The following FOXP2 variants were observed in gnomAD, a reference collection of about 807,000 sequenced individuals.
FOXP2 encodes the protein forkhead box P2, also known as forkhead box protein P2.
Under a neutral mutation model 115.8 loss-of-function variants are expected in FOXP2, and 12 were observed. The ratio of observed to expected loss-of-function variants is 0.10; its 90% CI spans 0.07 to 0.17. The LOEUF (loss-of-function observed/expected upper bound fraction) is 0.17, where lower values mean the gene tolerates loss of function less well. Ranked by LOEUF, FOXP2 falls within the 10% of genes least tolerant of loss-of-function variation. FOXP2 has a pLI of 1.00. For missense variants in FOXP2, 629 were observed against 843.5 expected, an observed-to-expected ratio of 0.75 and a Z score of 3.15; for synonymous variants, 328 against 297.7, an observed-to-expected ratio of 1.10 and a Z score of -1.05.
At chr7:114,208,780 T>C (rs528164837) in intron 1 of FOXP2, among the ~76,000 whole-genome samples, 1 of 152,216 alleles carries the variant, frequency 6.6e-6, no homozygotes, top group East Asian at 1.9e-4. Flanking sequence ...AAGCTCTCTC[T>C]CTCTTTGCCT....
intron 1 of FOXP2, among the ~76,000 whole-genome samples, chr7:114,144,524 G>A (rs1208444875): frequency 6.6e-6 from 1 of 151,954 alleles, no homozygotes; most frequent in Non-Finnish European, 1.5e-5. Context: ...CAAGCAGTTT[G>A]TCACAAATTT....
chr7:114,644,137 A>T (rs1395778988), intron 7 of FOXP2, among the ~76,000 whole-genome samples: 1 of 152,188 alleles, frequency 6.6e-6, no homozygotes, highest in Non-Finnish European at 1.5e-5. Flanking sequence ...ATATTCACTT[A>T]TCAAAAGTCT....
chr7:114,307,014 A>C (rs562634976), intron 2 of FOXP2, among the ~76,000 whole-genome samples: 8 of 152,274 alleles, frequency 5.3e-5, no homozygotes, highest in Non-Finnish European at 7.4e-5. Context: ...TCTTAATTCC[A>C]TCTGCAATCT....
intron 3 of FOXP2, among the ~76,000 whole-genome samples, chr7:114,599,192 T>A (rs1216083936): frequency 6.6e-6 from 1 of 152,146 alleles, no homozygotes; most frequent in Non-Finnish European, 1.5e-5. Context: ...TTATTCAGTA[T>A]GATGTTTGCT....
chr7:114,487,236 C>A (rs1796831967), intron 2 of FOXP2, among the ~76,000 whole-genome samples: 1 of 152,202 alleles, frequency 6.6e-6, no homozygotes, highest in Non-Finnish European at 1.5e-5. Context: ...AATGTGGCAG[C>A]TGCCAAGGCT....
chr7:114,127,310 T>C (rs930015465), intron 1 of FOXP2, among the ~76,000 whole-genome samples: 1 of 152,136 alleles, frequency 6.6e-6, no homozygotes, highest in Admixed American at 6.6e-5. Context: ...CCTCAATGGA[T>C]CTTGTTTATT....
At chr7:114,431,040 C>A (rs892171599) in intron 2 of FOXP2, among the ~76,000 whole-genome samples, 4 of 151,694 alleles carry the variant, frequency 2.6e-5, no homozygotes, top group Non-Finnish European at 4.4e-5. Context: ...ATTTACTATG[C>A]AGTGTTGTGT....
intron 2 of FOXP2, among the ~76,000 whole-genome samples, chr7:114,449,551 A>T (rs1434513424): frequency 6.6e-6 from 1 of 152,026 alleles, no homozygotes; most frequent in Admixed American, 6.6e-5. Flanking sequence ...TGACAGATGG[A>T]TGGGTCATTC....
rs1364922408 is a variant in FOXP2, at chr7:114,693,710, T to C, written c.*3784T>C. ...TAAAAATGTATATGAAACCATTTCA[T>C]TCACTTGATTACATTTCTGAAGTAT... On this transcript the variant is annotated 3_prime_UTR_variant, in exon 17 of 17. Coordinates refer to ENST00000350908, the MANE Select transcript of FOXP2 (RefSeq NM_014491.4). 1 of 339,658 alleles carries C rather than the reference T, an allele frequency of 2.9e-6. No individual in the cohort carries two copies. Among genetic ancestry groups the C allele is most frequent in the Non-Finnish European group, 5.7e-6 (1 of 174,552 alleles). The allele number at this position is 339,658 out of a possible 1,614,324, so 21.0% of individuals were successfully genotyped here. A position where few individuals can be genotyped will look rare whatever the true frequency, so the allele number is the denominator to read the frequency against.
At chr7:114,117,837 T>G (rs1791450856) in intron 1 of FOXP2, among the ~76,000 whole-genome samples, 1 of 152,098 alleles carries the variant, frequency 6.6e-6, no homozygotes, top group Non-Finnish European at 1.5e-5. Context: ...TGAGTTCAGG[T>G]GAGGCCCCTC....
At chr7:114,628,876 A>T (rs1584968284) in intron 4 of FOXP2, 199 bp downstream of exon 4, 1 of 615,766 alleles carries the variant, frequency 1.6e-6, no homozygotes, top group East Asian at 3.1e-5. Context: ...AAAAATTATT[A>T]AAGTCTAGAA....
upstream of FOXP2, among the ~76,000 whole-genome samples, chr7:114,409,305 C>T (rs1584701876): frequency 6.6e-6 from 1 of 152,172 alleles, no homozygotes; most frequent in East Asian, 1.9e-4. Flanking sequence ...TACTTTTGCA[C>T]ATTCAGTGAT....
At chr7:114,276,551 A>G (rs1375638713) in intron 1 of FOXP2, among the ~76,000 whole-genome samples, 1 of 152,096 alleles carries the variant, frequency 6.6e-6, no homozygotes, top group Non-Finnish European at 1.5e-5. Flanking sequence ...GTGAAAATCC[A>G]TTCATAATGG....
intron 1 of FOXP2, among the ~76,000 whole-genome samples, chr7:114,196,827 A>T (rs765150832): frequency 7.9e-5 from 12 of 152,124 alleles, no homozygotes; most frequent in Non-Finnish European, 2.9e-5. Flanking sequence ...TTGATTGTAC[A>T]ATCTTACTTG....
At chr7:114,597,712 C>T (rs1446934269) in intron 3 of FOXP2, among the ~76,000 whole-genome samples, 1 of 152,092 alleles carries the variant, frequency 6.6e-6, no homozygotes, top group South Asian at 2.1e-4. Flanking sequence ...TAAATCTGTC[C>T]AGTGTACAAA....
intron 1 of FOXP2, among the ~76,000 whole-genome samples, chr7:114,220,373 AT>A (rs1256042490): frequency 1.3e-5 from 2 of 152,142 alleles, no homozygotes; most frequent in Non-Finnish European, 2.9e-5. Flanking sequence ...CTGTTACTAT[AT>A]TTACATGGAT....
chr7:114,661,205 A>G (rs969785645), intron 13 of FOXP2, among the ~76,000 whole-genome samples: 20 of 152,218 alleles, frequency 1.3e-4, no homozygotes, highest in Admixed American at 1.2e-3. Context: ...CTATATGCCA[A>G]TGTACCTTGA....
chr7:114,691,545 TATG>T lies in FOXP2; in HGVS notation c.*1622_*1624del. On this transcript the variant is annotated 3_prime_UTR_variant, in exon 17 of 17. Coordinates refer to ENST00000350908, the MANE Select transcript of FOXP2 (RefSeq NM_014491.4). ...TCTTGACAATTCCAAACCCCAAAAC[TATG>T]ATAATGAGTTATGATGTAGTTGAAA... 2.2e-6 allele frequency: 1 copy of T among 453,964 alleles called. No homozygotes were observed. Among genetic ancestry groups the T allele is most frequent in the African/African-American group, 2.0e-5 (1 of 50,090 alleles). 28.1% of individuals were successfully genotyped at this position (453,964 alleles called of 1,614,324 possible).
chr7:114,118,057 G>C (rs566691823), intron 1 of FOXP2, among the ~76,000 whole-genome samples: 1 of 152,246 alleles, frequency 6.6e-6, no homozygotes, highest in African/African-American at 2.4e-5. Context: ...ACATATGAAT[G>C]TTGAGGGGTC....
Sources: allele counts gnomAD v4.1 joint callset (sites outside exome capture counted in the v4.1 genomes callset), GRCh38; gene constraint gnomAD v4.1.1; transcripts MANE v1.5; gene names NCBI Gene and HGNC (gene_info 2026-07-23, HGNC 2026-07-21).